CRY2: variants seen among roughly 807,000 people sequenced by gnomAD.
The protein encoded by CRY2 is cryptochrome circadian regulator 2, also known as cryptochrome-2.
Under a neutral mutation model 69.5 loss-of-function variants are expected in CRY2, and 31 were observed. That is an observed-to-expected ratio of 0.45 (90% CI 0.34 to 0.60). CRY2 has a LOEUF of 0.60. Ranked by LOEUF, CRY2 falls within the 20% of genes least tolerant of loss-of-function variation. The probability of loss-of-function intolerance (pLI) is 0.02; values close to 1 mark genes in which losing one functional copy is unlikely to be tolerated. For synonymous variants in CRY2, 303 were observed against 312.2 expected (o/e 0.97, Z 0.31); for missense variants, 606 against 797.8 (o/e 0.76, Z 2.90).
chr11:45,862,155 G>T lies in CRY2; in HGVS notation c.741+7G>T. On this transcript the variant is annotated splice_region_variant and intron_variant, in intron 5 of 11. Transcript: ENST00000616080. The stretch of plus-strand genomic sequence containing the variant: ...TAAGCACTTGGAACGGAAGGTATGG[G>T]CCGTTTCTGAGACACAGAGCTGCAG... 6.2e-7 allele frequency: 1 copy of T among 1,611,802 alleles called. No individual in the cohort carries two copies. The highest frequency in any genetic ancestry group is 8.5e-7 in the Non-Finnish European group (1 of 1,179,122).
At chr11:45,870,585 C>G (rs1219137171) in intron 9 of CRY2, 53 bp downstream of exon 9, 4 of 1,592,200 alleles carry the variant, frequency 2.5e-6, no homozygotes, top group Non-Finnish European at 3.4e-6. Context: ...CCTACAGGCT[C>G]AGGGGGCCAG....
Position 45,870,175 on chromosome 11 carries a change from T to C in CRY2, c.1317T>C (p.Arg439=). 1.2e-6 allele frequency: 2 copies of C among 1,613,408 alleles called. No individual in the cohort carries two copies. The highest frequency in any genetic ancestry group is 1.7e-6 in the Non-Finnish European group (2 of 1,179,712). Residue 439 remains arginine, a synonymous_variant, in exon 8 of 12, where the codon CGT becomes CGC. Transcript: ENST00000616080. Reference sequence around the variant, plus strand: ...GCTACTGCCCTGTGGGCTTTGGCCGTCGCACGGACCCCAGTGGGGACTACA... The same window carrying C: ...GCTACTGCCCTGTGGGCTTTGGCCGCCGCACGGACCCCAGTGGGGACTACA... ...FHCYCPVGFG[R]RTDPSGDYIR... is the part of the protein sequence containing the mutation.
intron 5 of CRY2, 51 bp downstream of exon 5, chr11:45,862,199 C>T: frequency 6.6e-7 from 1 of 1,526,538 alleles, no homozygotes; most frequent in South Asian, 1.2e-5. Context: ...ATCCACACAG[C>T]AGGAGATACA....
chr11:45,850,340 A>G (rs2086188595), intron 1 of CRY2, among the ~76,000 whole-genome samples: 1 of 152,214 alleles, frequency 6.6e-6, no homozygotes, highest in Non-Finnish European at 1.5e-5. Flanking sequence ...CTCTTATTGC[A>G]GCAAAGCTTA....
intron 5 of CRY2, 26 bp from the exon 6 acceptor site, chr11:45,867,586 T>G: frequency 6.2e-7 from 1 of 1,613,910 alleles, no homozygotes; most frequent in South Asian, 1.1e-5. Context: ...AGCCTTTCCT[T>G]TTGCCACCTT....
At chr11:45,871,628 G>A (rs955329952) in intron 10 of CRY2, among the ~76,000 whole-genome samples, 2 of 152,326 alleles carry the variant, frequency 1.3e-5, no homozygotes, top group East Asian at 1.9e-4. Flanking sequence ...CGCTGCATTC[G>A]GAGCCTCTTC....
chr11:45,869,863 G>C (rs1328211448), intron 7 of CRY2, 46 bp downstream of exon 7: 35 of 1,558,606 alleles, frequency 2.2e-5, no homozygotes, highest in Non-Finnish European at 3.0e-5. Flanking sequence ...CTCTGGTCAG[G>C]CCCGTCAAAG....
chr11:45,855,831 C>T (rs923369752), intron 1 of CRY2, 151 bp from the exon 2 acceptor site: 2 of 716,970 alleles, frequency 2.8e-6, no homozygotes, highest in Non-Finnish European at 2.5e-6. Flanking sequence ...TACCACATCC[C>T]TCCTGGGCTG....
chr11:45,858,941 G>A lies in CRY2; in HGVS notation c.467+68G>A, dbSNP rs74356632. Reference sequence around the variant, plus strand: ...TTAGTAATTTGGGCCCCTGCTGAGCGGAACTCAGAGAGGTTCAGCATTAGG... The same window carrying A: ...TTAGTAATTTGGGCCCCTGCTGAGCAGAACTCAGAGAGGTTCAGCATTAGG... On this transcript the variant is annotated intron_variant, in intron 3 of 11. Transcript: ENST00000616080. The A allele has an allele frequency of 1.9e-3, 3,007 of 1,565,304 alleles. 62 individuals are homozygous for A. The African/African-American group carries it at 0.032, about 17-fold the overall frequency.
At chr11:45,855,000 A>G (rs1181184647) in intron 1 of CRY2, among the ~76,000 whole-genome samples, 14 of 152,328 alleles carry the variant, frequency 9.2e-5, no homozygotes, top group Non-Finnish European at 2.9e-5. Context: ...CCACTTTGTC[A>G]CTGGAATTTT....
chr11:45,870,270 T>TGGGGTCCG (rs2086366907), intron 8 of CRY2, 60 bp from the exon 9 acceptor site: 2 of 1,612,756 alleles, frequency 1.2e-6, no homozygotes, highest in South Asian at 2.2e-5. Context: ...TGGGATACCC[T>TGGGGTCCG]GGGCCTTTTG....
At chr11:45,859,330 T>TTGAGAGGCCAGAG (rs6144333) in intron 3 of CRY2, among the ~76,000 whole-genome samples, 1 of 151,704 alleles carries the variant, frequency 6.6e-6, no homozygotes, top group Admixed American at 6.6e-5. Context: ...TCCCAGCACT[T>TTGAGAGGCCAGAG]TGAGAGGATC....
At chr11:45,875,857 C>T (rs1430884826) in intron 11 of CRY2, among the ~76,000 whole-genome samples, 1 of 152,244 alleles carries the variant, frequency 6.6e-6, no homozygotes, top group Non-Finnish European at 1.5e-5. Flanking sequence ...GTCACCTGCC[C>T]TACCCATCGA....
intron 6 of CRY2, among the ~76,000 whole-genome samples, 172 bp from the exon 7 acceptor site, chr11:45,869,334 G>A (rs1045802895): frequency 1.3e-5 from 2 of 152,204 alleles, no homozygotes; most frequent in African/African-American, 4.8e-5. Context: ...CAGGGCCTGG[G>A]TGTTTCACAT....
chr11:45,880,341 T>A (rs746145030), intron 11 of CRY2, among the ~76,000 whole-genome samples: 19 of 152,160 alleles, frequency 1.2e-4, no homozygotes, highest in Non-Finnish European at 2.2e-4. Context: ...AGATTCCGGA[T>A]GTCATAAATC....
At chr11:45,864,991 C>T (rs1369865430) in intron 5 of CRY2, among the ~76,000 whole-genome samples, 7 of 151,976 alleles carry the variant, frequency 4.6e-5, no homozygotes, top group Non-Finnish European at 8.8e-5. Flanking sequence ...AACTCCTGAC[C>T]GCAAGTGATC....
intron 3 of CRY2, 58 bp downstream of exon 3, chr11:45,858,931 C>T (rs1031055194): frequency 2.7e-5 from 43 of 1,581,690 alleles, no homozygotes; most frequent in South Asian, 1.3e-4. Context: ...AATTTGGGCC[C>T]CTGCTGAGCG....
rs959284181 is a variant in CRY2, at chr11:45,882,346, G to A, written c.*1435G>A. On this transcript the variant is annotated 3_prime_UTR_variant, in exon 12 of 12. Coordinates refer to ENST00000616080, the MANE Select transcript of CRY2 (RefSeq NM_021117.5). ...TTCCTGTTTGGATTTTTGTCCTCAC[G>A]TGTATCATTAAGCTGGCCTTTGGGC... is the stretch of plus-strand genomic sequence containing the variant. 7 of 319,798 alleles carry A rather than the reference G, an allele frequency of 2.2e-5. No individual in the cohort carries two copies. The highest frequency in any genetic ancestry group is 3.2e-4 in the South Asian group (2 of 6,276). The allele number at this position is 319,798 out of a possible 1,614,324, so 19.8% of individuals were successfully genotyped here. A position where few individuals can be genotyped will look rare whatever the true frequency, so the allele number is the denominator to read the frequency against.
At chr11:45,880,276 C>A (rs1029307253) in intron 11 of CRY2, among the ~76,000 whole-genome samples, 2 of 152,202 alleles carry the variant, frequency 1.3e-5, no homozygotes, top group Admixed American at 1.3e-4. Context: ...TTGTGACAGG[C>A]GCACTCTGTC....
Sources: gnomAD v4.1 joint callset for allele counts (sites outside exome capture counted in the v4.1 genomes callset) on GRCh38, gnomAD v4.1.1 for gene constraint, MANE v1.5 for transcripts, NCBI Gene and HGNC (gene_info 2026-07-23, HGNC 2026-07-21) for gene names.